The following MYT1L variants were observed in gnomAD, a reference collection of about 807,000 sequenced individuals.
The protein encoded by MYT1L is myelin transcription factor 1 like.
Under a neutral mutation model 126.7 loss-of-function variants are expected in MYT1L, and 12 were observed. That is an observed-to-expected ratio of 0.09 (90% CI 0.06 to 0.15). The LOEUF (loss-of-function observed/expected upper bound fraction) is 0.15, where lower values mean the gene tolerates loss of function less well. MYT1L is among the 10% of genes least tolerant of loss of function. The pLI is 1.00. For synonymous variants in MYT1L, 541 were observed against 604.2 expected (o/e 0.90, Z 1.53); for missense variants, 979 against 1,585.2 (o/e 0.62, Z 6.49).
At chr2:1,989,029 T>A (rs2061267519) in intron 5 of MYT1L, among the ~76,000 whole-genome samples, 1 of 152,190 alleles carries the variant, frequency 6.6e-6, no homozygotes, top group Non-Finnish European at 1.5e-5. Flanking sequence ...AAATATTATA[T>A]TAGCCTTTCA....
chr2:2,066,200 C>G (rs1463909815), intron 3 of MYT1L, among the ~76,000 whole-genome samples: 3 of 152,196 alleles, frequency 2.0e-5, no homozygotes, highest in African/African-American at 7.2e-5. Flanking sequence ...GATCCACATC[C>G]TACTTCTCTT....
In MYT1L at chr2:2,169,459, A is replaced by G. The variant is rs568480147; in HGVS notation, c.-304+3413T>C. Among the ~76,000 whole-genome samples, 11 of 152,362 alleles carry G rather than the reference A, an allele frequency of 7.2e-5. No homozygotes were observed. The East Asian group carries it at 2.1e-3, about 29-fold the overall frequency. ...CATATGATACAGATTCACATGCCAA[A>G]TAAGATTTTTTAAAGTCCGAGGCAA... On this transcript the variant is annotated intron_variant, in intron 3 of 24. Coordinates refer to ENST00000647738, the MANE Select transcript of MYT1L (RefSeq NM_001303052.2).
intron 14 of MYT1L, 137 bp downstream of exon 14, chr2:1,902,943 T>C: frequency 1.3e-6 from 1 of 769,234 alleles, no homozygotes; most frequent in Non-Finnish European, 2.2e-6. Context: ...TCCTGGGCTG[T>C]GCTATGAAAG....
intron 18 of MYT1L, among the ~76,000 whole-genome samples, chr2:1,880,590 T>C (rs2047406893): frequency 6.6e-6 from 1 of 152,174 alleles, no homozygotes; most frequent in East Asian, 1.9e-4. Context: ...AAATGAAAAA[T>C]GGAAAAGTTT....
intron 9 of MYT1L, among the ~76,000 whole-genome samples, chr2:1,927,106 G>A (rs2054330810): frequency 6.6e-6 from 1 of 152,200 alleles, no homozygotes; most frequent in Non-Finnish European, 1.5e-5. Flanking sequence ...GCCAGCCTGG[G>A]GCTGACCGCT....
At chr2:2,328,590 T>C (rs1276299674) in intron 1 of MYT1L, among the ~76,000 whole-genome samples, 4 of 152,222 alleles carry the variant, frequency 2.6e-5, no homozygotes, top group African/African-American at 9.6e-5. Context: ...TGGATGCAAG[T>C]TTAACTCAAG....
At chr2:2,131,032 C>A (rs185693647) in intron 3 of MYT1L, among the ~76,000 whole-genome samples, 171 of 152,232 alleles carry the variant, frequency 1.1e-3, no homozygotes, top group Middle Eastern at 0.01. Context: ...GTTTTTAAAG[C>A]TGAAAGAGAG....
Position 1,809,069 on chromosome 2 carries a change from T to C in MYT1L, c.3172+7A>G. On this transcript the variant is annotated splice_region_variant and intron_variant, in intron 22 of 24. Transcript: ENST00000647738. The stretch of plus-strand genomic sequence containing the variant: ...ATGGGTGCCACGAGGGCTGGAGGGG[T>C]GCTCACCGTTGCTGGCCCGCTGTTT... 1.2e-6 allele frequency: 2 copies of C among 1,613,528 alleles called. No individual in the cohort carries two copies. The highest frequency in any genetic ancestry group is 1.7e-6 in the Non-Finnish European group (2 of 1,179,776).
rs2036684916 is a variant in MYT1L at position 1,811,689 on chromosome 2, T to G, written c.3081-2522A>C. Reference sequence around the variant, plus strand: ...TCCTCTCACCCTGCCTGCTGCTGTTTACACCGGAAATCCCTGTGCTACTCA... The same window carrying G: ...TCCTCTCACCCTGCCTGCTGCTGTTGACACCGGAAATCCCTGTGCTACTCA... On this transcript the variant is annotated intron_variant, in intron 21 of 24. Coordinates refer to ENST00000647738, the MANE Select transcript of MYT1L (RefSeq NM_001303052.2). This position sits in a 1 kb window ranked among gnomAD's most constrained non-coding sequence, Gnocchi z 4.4. 6.6e-6 allele frequency among the ~76,000 whole-genome samples: 1 copy of G among 152,168 alleles called. No individual in the cohort carries two copies. The highest frequency in any genetic ancestry group is 2.1e-4 in the South Asian group (1 of 4,820).
At chr2:2,317,980 C>T (rs1186781236) in intron 1 of MYT1L, among the ~76,000 whole-genome samples, 2 of 152,126 alleles carry the variant, frequency 1.3e-5, no homozygotes, top group African/African-American at 2.4e-5. Context: ...GAAAGAGACT[C>T]GATCTTGTAG....
chr2:1,812,721 C>T (rs113817465), intron 21 of MYT1L, among the ~76,000 whole-genome samples: 8,052 of 151,914 alleles, frequency 0.053, 236 homozygotes, highest in South Asian at 0.12. Context: ...ACTAAAAATA[C>T]AAAAATTAGC....
intron 1 of MYT1L, chr2:2,303,349 C>T (rs949214598): frequency 1.3e-5 from 2 of 152,272 alleles, no homozygotes; most frequent in African/African-American, 2.4e-5. Flanking sequence ...TGAGGTCATG[C>T]CCTCTTCTTC....
chr2:2,148,679 G>A (rs1319183200), intron 3 of MYT1L, among the ~76,000 whole-genome samples: 1 of 152,194 alleles, frequency 6.6e-6, no homozygotes, highest in East Asian at 1.9e-4. Context: ...TTCAGAGCAC[G>A]AGGTATGAAC....
intron 9 of MYT1L, among the ~76,000 whole-genome samples, chr2:1,926,838 C>T (rs907456185): frequency 3.9e-5 from 6 of 152,158 alleles, no homozygotes; most frequent in African/African-American, 1.2e-4. Flanking sequence ...TGAGCCTGGC[C>T]TCCATTTTAC....
intron 2 of MYT1L, among the ~76,000 whole-genome samples, chr2:2,175,679 T>C (rs915254719): frequency 6.6e-6 from 1 of 150,628 alleles, no homozygotes; most frequent in Non-Finnish European, 1.5e-5. Context: ...TTACATACTT[T>C]CCTGGACCCT....
chr2:2,251,382 TC>T (rs2094645148), intron 2 of MYT1L, among the ~76,000 whole-genome samples: 1 of 152,160 alleles, frequency 6.6e-6, no homozygotes, highest in Non-Finnish European at 1.5e-5. Context: ...GTGGTATCAC[TC>T]CACCAGTTCT....
At chr2:1,882,001 T>G (rs2047620797) in intron 18 of MYT1L, among the ~76,000 whole-genome samples, 1 of 152,036 alleles carries the variant, frequency 6.6e-6, no homozygotes, top group Non-Finnish European at 1.5e-5. Flanking sequence ...TTGCAGTCGA[T>G]TGTCTCTACA....
At chr2:2,310,405 C>A (rs989394657) in intron 1 of MYT1L, among the ~76,000 whole-genome samples, 13 of 152,084 alleles carry the variant, frequency 8.5e-5, no homozygotes, top group African/African-American at 3.1e-4. Context: ...TATACTTTAT[C>A]TATACTCCAT....
At chr2:1,862,086 T>C (rs527887066) in intron 18 of MYT1L, among the ~76,000 whole-genome samples, 1 of 152,300 alleles carries the variant, frequency 6.6e-6, no homozygotes, top group South Asian at 2.1e-4. Flanking sequence ...TCCTCTTGTT[T>C]ATAAGTATGA....
Sources: gnomAD v4.1 joint callset for allele counts (sites outside exome capture counted in the v4.1 genomes callset) on GRCh38, gnomAD v4.1.1 for gene constraint, Gnocchi (gnomAD v3.1) non-coding constraint, MANE v1.5 for transcripts, NCBI Gene and HGNC (gene_info 2026-07-23, HGNC 2026-07-21) for gene names.